The following ASPRV1 variants were observed in gnomAD, a reference collection of about 807,000 sequenced individuals.
ASPRV1 encodes aspartic peptidase retroviral like 1.
Under a neutral mutation model 11.0 loss-of-function variants are expected in ASPRV1, and 7 were observed. That is an observed-to-expected ratio of 0.64 (90% CI 0.36 to 1.20). ASPRV1 has a LOEUF of 1.20. ASPRV1 is among the 50% of genes most tolerant of loss of function. The probability of loss-of-function intolerance (pLI) is 0.02; values close to 1 mark genes in which losing one functional copy is unlikely to be tolerated. For missense variants in ASPRV1, 299 were observed against 320.0 expected, an observed-to-expected ratio of 0.93 and a Z score of 0.50; for synonymous variants, 136 against 138.4, an observed-to-expected ratio of 0.98 and a Z score of 0.12.
At chr2:70,014,868 T>G in the ASPRV1 span, among the ~76,000 whole-genome samples, 1 of 151,586 alleles carries the variant, frequency 6.6e-6, no homozygotes, top group East Asian at 1.9e-4. Context: ...AAAAAACATT[T>G]GCAAATCTTA....
At chr2:69,999,007 G>A in the ASPRV1 span, among the ~76,000 whole-genome samples, 1 of 152,314 alleles carries the variant, frequency 6.6e-6, no homozygotes, top group Admixed American at 6.5e-5. Context: ...CCAGGGACTG[G>A]GGGCTGCCCC....
At chr2:69,973,606 C>T in the ASPRV1 span, among the ~76,000 whole-genome samples, 1 of 152,208 alleles carries the variant, frequency 6.6e-6, no homozygotes, top group East Asian at 1.9e-4. Context: ...CCTGGACCTC[C>T]CAAAGTGCTG....
chr2:69,935,312 G>C, the ASPRV1 span: 3 of 1,495,668 alleles, frequency 2.0e-6, no homozygotes, highest in Admixed American at 5.0e-5. Context: ...CTGGCCCACT[G>C]TGAAACTCTC....
chr2:69,939,117 C>T, the ASPRV1 span: 1 of 152,380 alleles, frequency 6.6e-6, no homozygotes, highest in African/African-American at 2.4e-5. Flanking sequence ...TCTCCATTTC[C>T]CACTTAACAC....
chr2:69,946,795 G>A, the ASPRV1 span, among the ~76,000 whole-genome samples: 39 of 152,242 alleles, frequency 2.6e-4, 2 homozygotes, highest in South Asian at 7.9e-3. Flanking sequence ...ACAGAATGTG[G>A]GCATTGACAG....
At chr2:70,083,434 G>A in the ASPRV1 span, 4 of 152,204 alleles carry the variant, frequency 2.6e-5, no homozygotes, top group East Asian at 1.9e-4. Context: ...TAACATAAGA[G>A]GAAGCAACAA....
the ASPRV1 span, chr2:69,996,717 A>T: frequency 2.2e-6 from 1 of 456,590 alleles, no homozygotes. Flanking sequence ...CAAGGGTCCA[A>T]AGAAAGCCAC....
At chr2:70,086,299 G>C in the ASPRV1 span, 3 of 152,214 alleles carry the variant, frequency 2.0e-5, no homozygotes, top group African/African-American at 7.2e-5. Flanking sequence ...CGCCCCAAGG[G>C]TAAGGAACAG....
At chr2:69,964,586 A>ACCT (rs907678585), upstream of ASPRV1, 2 of 262,692 alleles carry the variant, frequency 7.6e-6, no homozygotes, top group Non-Finnish European at 1.5e-5. Context: ...AGGTGCCACT[A>ACCT]CCTCCTCCCA....
the ASPRV1 span, among the ~76,000 whole-genome samples, chr2:69,977,739 G>T: frequency 6.6e-6 from 1 of 152,188 alleles, no homozygotes; most frequent in African/African-American, 2.4e-5. Flanking sequence ...CTAAGATTTG[G>T]ATACAGAAAG....
the ASPRV1 span, among the ~76,000 whole-genome samples, chr2:69,988,286 G>A: frequency 1.3e-4 from 20 of 152,218 alleles, no homozygotes; most frequent in Non-Finnish European, 2.5e-4. Context: ...ACGCATGGCT[G>A]AACAGATGAA....
the ASPRV1 span, chr2:70,070,179 CAAAAAAAAAAAAAAA>C: frequency 4.2e-5 from 2 of 47,114 alleles, no homozygotes; most frequent in African/African-American, 1.6e-4. Flanking sequence ...GACTCCATCT[CAAAAAAAAAAAAAAA>C]AAAAAAAAAG....
rs1181598361 is a variant in ASPRV1, at chr2:69,961,248, C to G, written c.189G>C (p.Leu63=). Residue 63 remains leucine (L), a synonymous_variant, in exon 1 of 1, where the codon CTG becomes CTC. Transcript: ENST00000320256. ...GGGGACTGAGCCTATTGTAGACACC[C>G]AGGGCCTCTCCTCTGAGGGACTCTT... The part of the protein sequence containing the change: ...FLKESLRGEA[L]GVYNRLSPQD... 3 of 1,614,102 alleles carry G rather than the reference C, an allele frequency of 1.9e-6. No homozygotes were observed. In the South Asian group the frequency reaches 3.3e-5, roughly 18 times the overall value.
the ASPRV1 span, chr2:70,085,838 G>A: frequency 6.6e-6 from 1 of 152,268 alleles, no homozygotes; most frequent in African/African-American, 2.4e-5. Flanking sequence ...CTATGAAAAA[G>A]TCAGAGGCAC....
At chr2:70,047,635 T>C in the ASPRV1 span, among the ~76,000 whole-genome samples, 120 of 152,274 alleles carry the variant, frequency 7.9e-4, no homozygotes, top group Non-Finnish European at 1.4e-3. Flanking sequence ...ACTACACTTC[T>C]CTGACACTGC....
the ASPRV1 span, among the ~76,000 whole-genome samples, chr2:70,024,243 G>A: frequency 6.6e-6 from 1 of 152,090 alleles, no homozygotes; most frequent in Admixed American, 6.5e-5. Context: ...AAATTGACTG[G>A]ATGAGAAGGA....
At chr2:70,003,880 T>C in the ASPRV1 span, among the ~76,000 whole-genome samples, 1 of 152,194 alleles carries the variant, frequency 6.6e-6, no homozygotes, top group African/African-American at 2.4e-5. Flanking sequence ...TGGCTCCCTT[T>C]TCTCTCTTCC....
At chr2:70,049,353 T>C in the ASPRV1 span, 3 of 152,024 alleles carry the variant, frequency 2.0e-5, no homozygotes, top group East Asian at 1.9e-4. Context: ...TGTGTAAAGG[T>C]TGGCTACTCT....
upstream of ASPRV1, chr2:69,964,439 A>T: frequency 4.8e-6 from 2 of 413,864 alleles, no homozygotes; most frequent in Non-Finnish European, 9.5e-6. Flanking sequence ...TAGGATCAGG[A>T]ACATGGGTAA....
Sources: allele counts gnomAD v4.1 joint callset (sites outside exome capture counted in the v4.1 genomes callset), GRCh38; gene constraint gnomAD v4.1.1; transcripts MANE v1.5; gene names NCBI Gene and HGNC (gene_info 2026-07-23, HGNC 2026-07-21).